SH3BP2: variants seen among roughly 807,000 people sequenced by gnomAD.
SH3BP2 encodes SH3 domain binding protein 2.
A neutral mutation model predicts 56.2 loss-of-function variants in SH3BP2; 38 were observed. That is an observed-to-expected ratio of 0.68 (90% confidence interval 0.52 to 0.89). SH3BP2 has a LOEUF of 0.89. Ranked by LOEUF, SH3BP2 falls within the 40% of genes least tolerant of loss-of-function variation. The probability of loss-of-function intolerance (pLI) is 0.00; values close to 1 mark genes in which losing one functional copy is unlikely to be tolerated. For missense variants in SH3BP2, 748 were observed against 762.6 expected, an observed-to-expected ratio of 0.98 and a Z score of 0.23; for synonymous variants, 346 against 316.7, an observed-to-expected ratio of 1.09 and a Z score of -0.98.
rs1380429253 is a variant in SH3BP2 at position 2,838,533 on chromosome 4, T to C, written c.*4699T>C. 2 of 152,264 alleles carry C rather than the reference T, an allele frequency of 1.3e-5. No individual in the cohort carries two copies. The highest frequency in any genetic ancestry group is 2.9e-5 in the Non-Finnish European group (2 of 68,044). The allele number at this position is 152,264 out of a possible 1,614,324, so 9.4% of individuals were successfully genotyped here. On this transcript the variant is annotated 3_prime_UTR_variant, in exon 13 of 13. Coordinates refer to ENST00000503393, the MANE Select transcript of SH3BP2 (RefSeq NM_001122681.2). Reference sequence around the variant, plus strand: ...CTGTATCGTAGTTCACAGATTCATTTCACTGTCAGTCAAGCTTGTCCAATG... The same window carrying C: ...CTGTATCGTAGTTCACAGATTCATTCCACTGTCAGTCAAGCTTGTCCAATG...
Position 2,831,782 on chromosome 4 carries a change from A to G in SH3BP2, c.1350+103A>G. On this transcript the variant is annotated intron_variant, in intron 9 of 12. Transcript: ENST00000503393. The surrounding 1 kb of genome is among the most constrained non-coding windows in gnomAD (Gnocchi z 4.1). ...CCCTCACAGACCGTCCTGAGCAAGG[A>G]CCCCCCGAGAACCCGGGAGCCTAGG... The G allele has an allele frequency of 2.2e-6, 3 of 1,342,022 alleles. No individual in the cohort carries two copies. Among genetic ancestry groups the G allele is most frequent in the Non-Finnish European group, 3.1e-6 (3 of 955,928 alleles). 83.1% of individuals were successfully genotyped at this position (1,342,022 alleles called of 1,614,324 possible). A position where few individuals can be genotyped will look rare whatever the true frequency, so the allele number is the denominator to read the frequency against.
At chr4:2,807,541 A>G (rs985722566) in intron 1 of SH3BP2, among the ~76,000 whole-genome samples, 4 of 152,192 alleles carry the variant, frequency 2.6e-5, no homozygotes, top group African/African-American at 9.7e-5. Context: ...GAAGAGGGCA[A>G]GGTTCTAGAT....
At chr4:2,794,771 C>T (rs929464335) in intron 1 of SH3BP2, among the ~76,000 whole-genome samples, 3 of 152,214 alleles carry the variant, frequency 2.0e-5, no homozygotes, top group Admixed American at 2.0e-4. Context: ...TCTGGGCCTG[C>T]CTTGGCCCTT....
At position 2,832,349 on chromosome 4, in the gene SH3BP2, C is replaced by A. The variant is rs768514069; in HGVS notation, c.1425C>A (p.Ser475Arg). The change falls in exon 11 of 13, where the codon AGC becomes AGA. Residue 475 changes from serine to arginine, a missense_variant. Coordinates refer to ENST00000503393, the MANE Select transcript of SH3BP2 (RefSeq NM_001122681.2). ...CEVERLFKAT[S>R]PRGEPQDGLY... ...ATTTTAGGTTGTTCAAGGCTACAAG[C>A]CCCCGGGGAGAGCCCCAGGATGGAC... is the stretch of plus-strand genomic sequence containing the variant. 4 of 1,613,670 alleles carry A rather than the reference C, an allele frequency of 2.5e-6. No homozygotes were observed. Among genetic ancestry groups the A allele is most frequent in the East Asian group, 4.5e-5 (2 of 44,876 alleles).
Position 2,794,349 on chromosome 4 carries a change from C to T in SH3BP2, c.-5+1211C>T, listed in dbSNP as rs74647477. The T allele has an allele frequency of 9.9e-3, 1,505 of 152,330 alleles. 31 individuals are homozygous for T. The highest frequency in any genetic ancestry group is 0.035 in the African/African-American group (1,438 of 41,494). 9.4% of individuals were successfully genotyped at this position (152,330 alleles called of 1,614,324 possible). ...GTGGGACCAGAGGAGGGGCTGGGCT[C>T]CACCCCCTCCTGGTTCTTCCCACTC... On this transcript the variant is annotated intron_variant, in intron 1 of 12. Coordinates refer to ENST00000503393, the MANE Select transcript of SH3BP2 (RefSeq NM_001122681.2).
rs1357363125 is a variant in SH3BP2 at position 2,838,737 on chromosome 4, T to C, written c.*4903T>C. 6.6e-6 allele frequency: 1 copy of C among 152,084 alleles called. No individual in the cohort carries two copies. The highest frequency in any genetic ancestry group is 1.5e-5 in the Non-Finnish European group (1 of 68,028). 9.4% of individuals were successfully genotyped at this position (152,084 alleles called of 1,614,324 possible). Reference sequence around the variant, plus strand: ...GGTATGGTCCATGGAAGCCAAAAGATTGGACATGCCTGCTGTAGATGGACA... The same window carrying C: ...GGTATGGTCCATGGAAGCCAAAAGACTGGACATGCCTGCTGTAGATGGACA... On this transcript the variant is annotated 3_prime_UTR_variant, in exon 13 of 13. Transcript: ENST00000503393.
chr4:2,813,256 C>T (rs975319533), intron 1 of SH3BP2, among the ~76,000 whole-genome samples: 43 of 152,354 alleles, frequency 2.8e-4, no homozygotes, highest in African/African-American at 9.4e-4. Context: ...ACCCACTGTG[C>T]GCCAAGCTGG....
intron 5 of SH3BP2, among the ~76,000 whole-genome samples, chr4:2,825,468 G>A (rs1724557092): frequency 1.4e-5 from 2 of 143,740 alleles, no homozygotes; most frequent in African/African-American, 2.5e-5. Flanking sequence ...AGAGCAACAC[G>A]TGGACATGCG....
chr4:2,809,981 C>G (rs1560099294), intron 1 of SH3BP2, among the ~76,000 whole-genome samples: 1 of 152,224 alleles, frequency 6.6e-6, no homozygotes, highest in South Asian at 2.1e-4. Context: ...CCCCGCTGCA[C>G]ACACCCCCTG....
rs768677594 is a variant in SH3BP2, at chr4:2,829,790, C to G, written c.884C>G (p.Pro295Arg). Reference protein sequence around the residue: ...MPTAPGLRKPPCFRESASPSP... With the variant: ...MPTAPGLRKPRCFRESASPSP... The stretch of plus-strand genomic sequence containing the variant: ...ACCGCACCCGGCCTCCGGAAACCCC[C>G]TTGCTTCCGGGAGAGTGCCAGCCCC... Residue 295 changes from proline to arginine, a missense_variant, in exon 8 of 13, where the codon CCT (proline) becomes CGT (arginine). Physicochemically the swap from Pro to Arg is moderately radical, Grantham distance 103. This residue lies in a region of SH3BP2 where 635 missense variants were observed against 615.0 expected (regional missense o/e 1.03). Transcript: ENST00000503393. The surrounding 1 kb of genome is among the most constrained non-coding windows in gnomAD (Gnocchi z 4.9). 2 of 1,613,256 alleles carry G rather than the reference C, an allele frequency of 1.2e-6. No individual in the cohort carries two copies. Among genetic ancestry groups the G allele is most frequent in the Admixed American group, 1.7e-5 (1 of 60,024 alleles).
intron 7 of SH3BP2, among the ~76,000 whole-genome samples, chr4:2,828,294 G>A (rs1045537404): frequency 1.3e-5 from 2 of 151,500 alleles, no homozygotes; most frequent in African/African-American, 2.4e-5. Flanking sequence ...TTTTCCCTGC[G>A]TCCGCCCTGC....
intron 5 of SH3BP2, among the ~76,000 whole-genome samples, chr4:2,826,071 C>T (rs1199606036): frequency 2.0e-5 from 3 of 152,252 alleles, no homozygotes; most frequent in Non-Finnish European, 2.9e-5. Flanking sequence ...TGTTCAGCCT[C>T]GGGCCCAGCC....
chr4:2,818,157 C>T (rs1181480315), intron 1 of SH3BP2: 1 of 950,358 alleles, frequency 1.1e-6, no homozygotes. Context: ...CCGGGATCCT[C>T]ACCTGCCCGC....
chr4:2,822,030 G>A (rs1284885688), intron 2 of SH3BP2, among the ~76,000 whole-genome samples: 1 of 152,006 alleles, frequency 6.6e-6, no homozygotes, highest in Non-Finnish European at 1.5e-5. Context: ...ACCACGCCCA[G>A]CTAATTTTTG....
Position 2,830,030 on chromosome 4 carries a change from G to T in SH3BP2, c.1124G>T (p.Gly375Val). ...EDPPREAAMP[G>V]LFVPPVAPRP... The stretch of plus-strand genomic sequence containing the variant: ...CCCCCAAGGGAGGCAGCCATGCCCG[G>T]ACTCTTTGTGCCCCCCGTGGCTCCC... Residue 375 changes from glycine (G) to valine (V), a missense_variant, in exon 8 of 13, where the codon GGA becomes GTA. Gly to Val is a moderately radical substitution (Grantham distance 109). Around this residue, in one of 3 missense-constraint regions of SH3BP2, gnomAD observed 635 missense variants for 615.0 expected, o/e 1.03. Transcript: ENST00000503393. 1.2e-6 allele frequency: 2 copies of T among 1,612,856 alleles called. No homozygotes were observed. Among genetic ancestry groups the T allele is most frequent in the Non-Finnish European group, 1.7e-6 (2 of 1,179,964 alleles).
intron 1 of SH3BP2, among the ~76,000 whole-genome samples, chr4:2,801,557 C>T (rs1302544001): frequency 6.6e-6 from 1 of 152,182 alleles, no homozygotes; most frequent in Non-Finnish European, 1.5e-5. Context: ...GCCTGCTCTC[C>T]CACCCCGATG....
intron 1 of SH3BP2, among the ~76,000 whole-genome samples, chr4:2,793,461 A>C (rs1479323630): frequency 6.8e-6 from 1 of 147,182 alleles, no homozygotes; most frequent in Non-Finnish European, 1.5e-5. Flanking sequence ...TTGCCAAAGG[A>C]CGCACGGGGC....
intron 5 of SH3BP2, 45 bp from the exon 6 acceptor site, chr4:2,827,185 C>T (rs1560108956): frequency 2.6e-6 from 4 of 1,542,202 alleles, no homozygotes; most frequent in Non-Finnish European, 3.6e-6. Flanking sequence ...AGGGACCTCC[C>T]AGGCCTGGTG....
intron 3 of SH3BP2, among the ~76,000 whole-genome samples, chr4:2,823,907 AGCT>A (rs766828125): frequency 9.9e-5 from 15 of 152,180 alleles, no homozygotes; most frequent in Non-Finnish European, 1.3e-4. Context: ...GCTGGCACAG[AGCT>A]CCGGGGTCCC....
Sources: gnomAD v4.1 joint callset for allele counts (sites outside exome capture counted in the v4.1 genomes callset) on GRCh38, gnomAD v4.1.1 for gene constraint, gnomAD v4.1.1 regional missense constraint, Gnocchi (gnomAD v3.1) non-coding constraint, MANE v1.5 for transcripts, NCBI Gene and HGNC (gene_info 2026-07-23, HGNC 2026-07-21) for gene names.